Variants in SLIT3 observed in about 807,000 individuals in gnomAD.
SLIT3 encodes slit guidance ligand 3, also known as slit homolog 3 protein.
In SLIT3, 68 loss-of-function variants were observed where a neutral mutation model predicts 184.0. The ratio of observed to expected loss-of-function variants is 0.37; its 90% confidence interval spans 0.30 to 0.45. The LOEUF is 0.45. Among genes scored for constraint, SLIT3 ranks in the 20% least tolerant of loss-of-function variants. The pLI is 1.00. For synonymous variants in SLIT3, 831 were observed against 828.6 expected (o/e 1.00, Z -0.05); for missense variants, 1,707 against 2,026.0 (o/e 0.84, Z 3.02).
At chr5:169,032,743 T>C (rs1757078456) in intron 4 of SLIT3, among the ~76,000 whole-genome samples, 1 of 151,894 alleles carries the variant, frequency 6.6e-6, no homozygotes, top group Non-Finnish European at 1.5e-5. Flanking sequence ...GGACCTCATA[T>C]AACACTCATG....
intron 3 of SLIT3, among the ~76,000 whole-genome samples, chr5:169,210,813 TC>T (rs1399261036): frequency 6.6e-6 from 1 of 152,202 alleles, no homozygotes; most frequent in African/African-American, 2.4e-5. Flanking sequence ...TTCCAATTCT[TC>T]CGCACACTAG....
intron 4 of SLIT3, among the ~76,000 whole-genome samples, chr5:169,002,390 A>ACAG (rs1352966506): frequency 5.3e-5 from 8 of 150,500 alleles, no homozygotes; most frequent in Non-Finnish European, 1.0e-4. Flanking sequence ...ATCAATGAGT[A>ACAG]CAGATGGGGC....
intron 3 of SLIT3, among the ~76,000 whole-genome samples, chr5:169,219,525 C>G (rs891319966): frequency 2.6e-5 from 4 of 152,210 alleles, no homozygotes; most frequent in African/African-American, 4.8e-5. Context: ...CCTTCATCAA[C>G]CAACACCTAC....
intron 3 of SLIT3, among the ~76,000 whole-genome samples, chr5:169,197,810 G>T (rs2113480147): frequency 6.6e-6 from 1 of 150,434 alleles, no homozygotes; most frequent in South Asian, 2.1e-4. Flanking sequence ...GGAGCATAAA[G>T]GTAAAAAAAA....
At chr5:168,926,267 A>G (rs1761819873) in intron 4 of SLIT3, among the ~76,000 whole-genome samples, 1 of 152,230 alleles carries the variant, frequency 6.6e-6, no homozygotes, top group African/African-American at 2.4e-5. Context: ...CCAAAAAACT[A>G]TAAGCTATGG....
At chr5:169,135,084 G>A (rs774905181) in intron 4 of SLIT3, among the ~76,000 whole-genome samples, 5 of 152,184 alleles carry the variant, frequency 3.3e-5, no homozygotes, top group Non-Finnish European at 4.4e-5. Flanking sequence ...ACAAATGAGA[G>A]GGTGGACTTG....
chr5:169,143,323 C>G (rs996156598), intron 4 of SLIT3, among the ~76,000 whole-genome samples: 4 of 152,214 alleles, frequency 2.6e-5, no homozygotes, highest in Non-Finnish European at 5.9e-5. Context: ...AATAGATAGA[C>G]AGTCTCACCT....
intron 10 of SLIT3, among the ~76,000 whole-genome samples, chr5:168,793,010 A>T (rs757741177): frequency 3.9e-5 from 6 of 152,210 alleles, no homozygotes. Flanking sequence ...AATGAGTTTC[A>T]TATTTAGACT....
At chr5:169,139,589 C>T (rs929679273) in intron 4 of SLIT3, among the ~76,000 whole-genome samples, 1 of 152,214 alleles carries the variant, frequency 6.6e-6, no homozygotes, top group Non-Finnish European at 1.5e-5. Flanking sequence ...CTAGCCCACC[C>T]CCCCAGGGGC....
intron 5 of SLIT3, among the ~76,000 whole-genome samples, chr5:168,860,386 C>G (rs1759058918): frequency 6.6e-6 from 1 of 152,168 alleles, no homozygotes; most frequent in African/African-American, 2.4e-5. Flanking sequence ...ATGCTTGACT[C>G]TTTCATTCCA....
intron 3 of SLIT3, among the ~76,000 whole-genome samples, chr5:169,218,878 A>G (rs1408070155): frequency 1.3e-5 from 2 of 152,222 alleles, no homozygotes; most frequent in African/African-American, 4.8e-5. Context: ...AACTGGTAAC[A>G]TTAAGATGAG....
intron 3 of SLIT3, among the ~76,000 whole-genome samples, chr5:169,213,448 C>A: frequency 6.6e-6 from 1 of 152,138 alleles, no homozygotes; most frequent in East Asian, 1.9e-4. Flanking sequence ...TCATATAGAA[C>A]CAAAAAAGAG....
At chr5:168,935,992 C>A (rs1183248986) in intron 4 of SLIT3, among the ~76,000 whole-genome samples, 1 of 152,212 alleles carries the variant, frequency 6.6e-6, no homozygotes, top group African/African-American at 2.4e-5. Context: ...TGCAACGAAC[C>A]TGGCATACCA....
chr5:169,203,812 T>G (rs772809410), intron 3 of SLIT3, among the ~76,000 whole-genome samples: 1 of 152,050 alleles, frequency 6.6e-6, no homozygotes, highest in African/African-American at 2.4e-5. Flanking sequence ...TTTTGGCCTG[T>G]GCATCTAAAA....
At chr5:169,157,755 C>G (rs1419326333) in intron 4 of SLIT3, among the ~76,000 whole-genome samples, 1 of 151,860 alleles carries the variant, frequency 6.6e-6, no homozygotes, top group South Asian at 2.1e-4. Context: ...AACAGCCATG[C>G]TAGAAATGTT....
chr5:168,758,114 A>C (rs1273819440), intron 16 of SLIT3, among the ~76,000 whole-genome samples: 1 of 152,182 alleles, frequency 6.6e-6, no homozygotes, highest in Non-Finnish European at 1.5e-5. Flanking sequence ...GAGCTGAGTG[A>C]CATCTGTCCC....
In SLIT3 at chr5:168,869,373, G is replaced by A. The variant is rs138657958; in HGVS notation, c.485+13892C>T. On this transcript the variant is annotated intron_variant, in intron 5 of 35. Coordinates refer to ENST00000519560, the MANE Select transcript of SLIT3 (RefSeq NM_003062.4). ...AATCATTTCACTTTTGTATGCCTCC[G>A]TTTTATCATCTGTAAACTGGTGATG... is the stretch of plus-strand genomic sequence containing the variant. Among the ~76,000 whole-genome samples, 544 of 152,208 alleles carry A rather than the reference G, an allele frequency of 3.6e-3. 5 individuals carry two copies. The highest frequency in any genetic ancestry group is 0.012 in the African/African-American group (503 of 41,530).
chr5:169,047,606 C>T (rs2113047157), intron 4 of SLIT3, among the ~76,000 whole-genome samples: 1 of 151,914 alleles, frequency 6.6e-6, no homozygotes, highest in South Asian at 2.1e-4. Context: ...GCCTTATGTC[C>T]ATCATCTCCC....
At chr5:168,782,655 T>A (rs2113566432) in intron 12 of SLIT3, among the ~76,000 whole-genome samples, 1 of 152,254 alleles carries the variant, frequency 6.6e-6, no homozygotes, top group Non-Finnish European at 1.5e-5. Flanking sequence ...GGAGTTGGGA[T>A]CATGTGCCCA....
Sources: allele counts gnomAD v4.1 joint callset (sites outside exome capture counted in the v4.1 genomes callset), GRCh38; gene constraint gnomAD v4.1.1; transcripts MANE v1.5; gene names NCBI Gene and HGNC (gene_info 2026-07-23, HGNC 2026-07-21).